NADK2: variants seen among roughly 807,000 people sequenced by gnomAD.
NADK2 encodes NAD kinase domain-containing protein 1, mitochondrial.
Under a neutral mutation model 62.1 loss-of-function variants are expected in NADK2, and 35 were observed. That is an observed-to-expected ratio of 0.56 (90% confidence interval 0.43 to 0.75). The LOEUF is 0.75. Among genes scored for constraint, NADK2 ranks in the 30% least tolerant of loss-of-function variants. The pLI is 0.00. For missense variants in NADK2, 439 were observed against 561.3 expected (o/e 0.78, Z 2.20); for synonymous variants, 205 against 207.9 (o/e 0.99, Z 0.12).
At chr5:36,204,529 T>A (rs535467350) in intron 8 of NADK2, among the ~76,000 whole-genome samples, 171 of 152,230 alleles carry the variant, frequency 1.1e-3, no homozygotes, top group African/African-American at 3.9e-3. Context: ...AATACTATCA[T>A]CATAAATGAC....
chr5:36,229,744 GCTAT>G (rs1444250919), intron 1 of NADK2, among the ~76,000 whole-genome samples: 4 of 150,604 alleles, frequency 2.7e-5, no homozygotes, highest in Admixed American at 1.3e-4. Flanking sequence ...TCTTTCTTTG[GCTAT>G]CTAACAGGCA....
chr5:36,220,771 C>T (rs1191295143), intron 4 of NADK2, among the ~76,000 whole-genome samples: 1 of 152,312 alleles, frequency 6.6e-6, no homozygotes, highest in Non-Finnish European at 1.5e-5. Context: ...TCAGCTAGGG[C>T]GGCAGGCATC....
Position 36,226,485 on chromosome 5 carries a change from T to G in NADK2, c.468A>C (p.Ile156=). The G allele has an allele frequency of 6.2e-7, 1 of 1,612,072 alleles. No homozygotes were observed. Among genetic ancestry groups the G allele is most frequent in the Non-Finnish European group, 8.5e-7 (1 of 1,178,694 alleles). ...EETVRWADAV[I]AAGGDGTMLL... is the part of the protein sequence containing the mutation. Reference sequence around the variant, plus strand: ...CTGTCAAATTATTACCTCCTGCAGCTATGACAGCATCTGCCCATCGAACAG... The same window carrying G: ...CTGTCAAATTATTACCTCCTGCAGCGATGACAGCATCTGCCCATCGAACAG... The change falls in exon 3 of 12, where the codon ATA becomes ATC. Residue 156 remains isoleucine (I), a synonymous_variant. Transcript: ENST00000381937.
chr5:36,237,663 C>A (rs996601789), intron 1 of NADK2, among the ~76,000 whole-genome samples: 17 of 152,214 alleles, frequency 1.1e-4, no homozygotes, highest in African/African-American at 3.9e-4. Context: ...AAATTTAAGA[C>A]AAGAAGTGAT....
At chr5:36,219,744 T>C in intron 4 of NADK2, 65 bp from the exon 5 acceptor site, 3 of 1,248,676 alleles carry the variant, frequency 2.4e-6, no homozygotes, top group Non-Finnish European at 3.5e-6. Context: ...AGCAAAAAAA[T>C]TTAATCAAAA....
At chr5:36,230,359 CTGCTAGTGCTGCCCT>C (rs1171652977) in intron 1 of NADK2, among the ~76,000 whole-genome samples, 1 of 152,240 alleles carries the variant, frequency 6.6e-6, no homozygotes, top group Non-Finnish European at 1.5e-5. Context: ...GAAACAGCTG[CTGCTAGTGCTGCCCT>C]TGCAGCTGCA....
rs753425405 is a variant in NADK2, at chr5:36,217,759, G to A, written c.770C>T (p.Ala257Val). Residue 257 changes from alanine to valine, a missense_variant, in exon 6 of 12, where the codon GCT becomes GTT. Transcript: ENST00000381937. The part of the protein sequence containing the change: ...QHNRALNIER[A>V]HDERSEASGP... ...CCCAATCCACCTACTTTCATCATGA[G>A]CTCTTTCAATGTTAAGGGCTCTATT... 1 of 1,613,706 alleles carries A rather than the reference G, an allele frequency of 6.2e-7. No individual in the cohort carries two copies. Among genetic ancestry groups the A allele is most frequent in the Non-Finnish European group, 8.5e-7 (1 of 1,179,790 alleles).
chr5:36,223,267 A>G (rs774173907), intron 4 of NADK2, among the ~76,000 whole-genome samples: 7 of 152,206 alleles, frequency 4.6e-5, no homozygotes, highest in Non-Finnish European at 1.0e-4. Flanking sequence ...AATATTATCA[A>G]ACTTCCATAA....
rs113314968 is a variant in NADK2 at position 36,224,492 on chromosome 5, G to C, written c.560+1050C>G. On this transcript the variant is annotated intron_variant, in intron 4 of 11. Coordinates refer to ENST00000381937, the MANE Select transcript of NADK2 (RefSeq NM_001085411.3). ...GAATTGCTTGAACCCAGGAGGCAGAGGTTGCAGTGTGCTGAGAGTGCGCCA... is the reference window on the plus strand; with the variant it reads ...GAATTGCTTGAACCCAGGAGGCAGACGTTGCAGTGTGCTGAGAGTGCGCCA... 7.2e-3 allele frequency among the ~76,000 whole-genome samples: 1,091 copies of C among 151,610 alleles called. 10 individuals are homozygous for C. Among genetic ancestry groups the C allele is most frequent in the African/African-American group, 0.025 (1,038 of 41,210 alleles).
chr5:36,202,348 A>G (rs1423559525), intron 8 of NADK2, among the ~76,000 whole-genome samples: 1 of 152,050 alleles, frequency 6.6e-6, no homozygotes, highest in Non-Finnish European at 1.5e-5. Flanking sequence ...ATGTATGGAG[A>G]AAAAGGACTG....
At chr5:36,222,825 CA>C (rs1290539711) in intron 4 of NADK2, among the ~76,000 whole-genome samples, 1 of 152,092 alleles carries the variant, frequency 6.6e-6, no homozygotes, top group Non-Finnish European at 1.5e-5. Context: ...AACTTAGGAC[CA>C]ATTTGATGAT....
Position 36,196,088 on chromosome 5 carries a change from G to A in NADK2, c.1191-806C>T, listed in dbSNP as rs546237623. Among the ~76,000 whole-genome samples the A allele has an allele frequency of 3.3e-5, 5 of 152,250 alleles. No individual in the cohort carries two copies. In the South Asian group the frequency reaches 1.0e-3, roughly 32 times the overall value. On this transcript the variant is annotated intron_variant, in intron 11 of 11. Transcript: ENST00000381937. Reference sequence around the variant, plus strand: ...ACATTTGGGTTTTTGGCTATTGGGAGTAGAGCTGCTATGAATATTCTTGAA... The same window carrying A: ...ACATTTGGGTTTTTGGCTATTGGGAATAGAGCTGCTATGAATATTCTTGAA...
intron 7 of NADK2, among the ~76,000 whole-genome samples, chr5:36,211,642 A>G (rs1746849405): frequency 6.6e-6 from 1 of 152,210 alleles, no homozygotes; most frequent in Non-Finnish European, 1.5e-5. Context: ...AGGGTTTCAC[A>G]AACTTTTTTG....
At chr5:36,216,404 T>C (rs569699280) in intron 6 of NADK2, among the ~76,000 whole-genome samples, 12 of 152,302 alleles carry the variant, frequency 7.9e-5, no homozygotes, top group Non-Finnish European at 4.4e-5. Context: ...TCCTTTGTTA[T>C]ACAGAAGCTT....
At chr5:36,238,600 T>C (rs1316021064) in intron 1 of NADK2, among the ~76,000 whole-genome samples, 2 of 152,232 alleles carry the variant, frequency 1.3e-5, no homozygotes, top group Non-Finnish European at 2.9e-5. Context: ...TTTTGTTTCA[T>C]CTAGAGTTCT....
At chr5:36,220,716 A>G (rs1344229193) in intron 4 of NADK2, among the ~76,000 whole-genome samples, 1 of 152,224 alleles carries the variant, frequency 6.6e-6, no homozygotes, top group Non-Finnish European at 1.5e-5. Flanking sequence ...GCAAGTCTAA[A>G]ACCCTTGCAG....
intron 11 of NADK2, among the ~76,000 whole-genome samples, chr5:36,196,627 G>A (rs1746242693): frequency 6.6e-6 from 1 of 152,118 alleles, no homozygotes; most frequent in Non-Finnish European, 1.5e-5. Flanking sequence ...TACTTCCAGT[G>A]TAGTTCAATT....
At position 36,193,801 on chromosome 5, in the gene NADK2, T is replaced by C. The variant is rs184733331; in HGVS notation, c.*1343A>G. 5 of 152,724 alleles carry C rather than the reference T, an allele frequency of 3.3e-5. No individual in the cohort carries two copies. The East Asian group carries it at 7.7e-4, about 24-fold the overall frequency. The allele number at this position is 152,724 out of a possible 1,614,324, so 9.5% of individuals were successfully genotyped here. On this transcript the variant is annotated 3_prime_UTR_variant, in exon 12 of 12. Transcript: ENST00000381937. Reference sequence around the variant, plus strand: ...AAACTAAGAGCACTCAATTCGACTATCCGTCCAGCTTTCACAGAATTTACT... The same window carrying C: ...AAACTAAGAGCACTCAATTCGACTACCCGTCCAGCTTTCACAGAATTTACT...
intron 1 of NADK2, among the ~76,000 whole-genome samples, chr5:36,228,219 T>C (rs924466886): frequency 2.0e-5 from 3 of 152,166 alleles, no homozygotes; most frequent in South Asian, 2.1e-4. Context: ...TTTATAACTA[T>C]CTTACCATTA....
Sources: gnomAD v4.1 joint callset for allele counts (sites outside exome capture counted in the v4.1 genomes callset) on GRCh38, gnomAD v4.1.1 for gene constraint, MANE v1.5 for transcripts, NCBI Gene and HGNC (gene_info 2026-07-23, HGNC 2026-07-21) for gene names.